The following LHPP variants were observed in gnomAD, a reference collection of about 807,000 sequenced individuals.
The protein encoded by LHPP is phospholysine phosphohistidine inorganic pyrophosphate phosphatase.
A neutral mutation model predicts 30.3 loss-of-function variants in LHPP; 24 were observed. The ratio of observed to expected loss-of-function variants is 0.79; its 90% CI spans 0.57 to 1.11. LHPP has a LOEUF of 1.11. Ranked by LOEUF, LHPP falls within the 50% of genes most tolerant of loss-of-function variation. The pLI, the probability that LHPP is intolerant of heterozygous loss-of-function variation, is 0.00. For synonymous variants in LHPP, 150 were observed against 157.1 expected (o/e 0.95, Z 0.34); for missense variants, 356 against 367.2 (o/e 0.97, Z 0.25).
Position 124,484,154 on chromosome 10 carries a change from G to C in LHPP, c.141G>C (p.Arg47=). 6.2e-7 allele frequency: 1 copy of C among 1,613,934 alleles called. No homozygotes were observed. The highest frequency in any genetic ancestry group is 8.5e-7 in the Non-Finnish European group (1 of 1,179,982). ...CCTGCCGCAGACTGAAGCGTTCCCG[G>C]CTGAAGGTGAGGTTCTGCACCAACG... ...VEAVARLKRS[R]LKVRFCTNES... The change falls in exon 2 of 7, where the codon CGG becomes CGC. Residue 47 remains arginine (R), a synonymous_variant. Transcript: ENST00000368842.
At position 124,523,574 on chromosome 10, in the gene LHPP, C is replaced by T. The variant is rs1343524124; in HGVS notation, c.716+6303C>T. The stretch of plus-strand genomic sequence containing the variant: ...CATGACAGATTTTTCTTCTGTGCTA[C>T]GTGGAGTGTGAGGGAAGGAAGTGAA... On this transcript the variant is annotated intron_variant, in intron 6 of 6. Coordinates refer to ENST00000368842, the MANE Select transcript of LHPP (RefSeq NM_022126.4). The surrounding 1 kb of genome is among the most constrained non-coding windows in gnomAD (Gnocchi z 4.2). Among the ~76,000 whole-genome samples the T allele has an allele frequency of 1.3e-5, 2 of 152,196 alleles. No homozygotes were observed. The highest frequency in any genetic ancestry group is 3.9e-4 in the East Asian group (2 of 5,194).
intron 1 of LHPP, among the ~76,000 whole-genome samples, chr10:124,481,373 CTTTT>C (rs34839158): frequency 3.5e-5 from 3 of 85,020 alleles, no homozygotes; most frequent in Admixed American, 1.6e-4. Context: ...TATCTGCCCC[CTTTT>C]TTTTTTTTTT....
rs747134281 is a variant in LHPP at position 124,512,128 on chromosome 10, C to T, written c.625-5052C>T. 3.3e-5 allele frequency among the ~76,000 whole-genome samples: 5 copies of T among 152,266 alleles called. 1 individual carries two copies. Among genetic ancestry groups the T allele is most frequent in the East Asian group, 3.9e-4 (2 of 5,170 alleles). On this transcript the variant is annotated intron_variant, in intron 5 of 6. Coordinates refer to ENST00000368842, the MANE Select transcript of LHPP (RefSeq NM_022126.4). ...TGTCTTTAGCACTTGTCGTGAGCTC[C>T]GTAAGTGCTGGGACTGCATGTGTCT... is the stretch of plus-strand genomic sequence containing the variant.
At position 124,461,849 on chromosome 10, in the gene LHPP, C is replaced by G. The variant is rs757171934; in HGVS notation, c.-14C>G. On this transcript the variant is annotated 5_prime_UTR_variant, in exon 1 of 7. Transcript: ENST00000368842. ...TCGGTTGGGACGCGGAGCTGAGGAG[C>G]AGGGCCGGGCGCCATGGCACCGTGG... The G allele has an allele frequency of 5.6e-6, 7 of 1,239,820 alleles. No individual in the cohort carries two copies. Among genetic ancestry groups the G allele is most frequent in the Non-Finnish European group, 7.1e-6 (7 of 988,424 alleles). 76.8% of individuals were successfully genotyped at this position (1,239,820 alleles called of 1,614,324 possible).
In LHPP at chr10:124,536,157, G is replaced by T. The variant is rs12259270; in HGVS notation, c.716+18886G>T. On this transcript the variant is annotated intron_variant, in intron 6 of 6. Coordinates refer to ENST00000368842, the MANE Select transcript of LHPP (RefSeq NM_022126.4). ...CCCCGGGCTTTTCCACCCCTGCCGCGTGTGCGTGCAGACTGGCCCTGCGGT... is the reference window on the plus strand; with the variant it reads ...CCCCGGGCTTTTCCACCCCTGCCGCTTGTGCGTGCAGACTGGCCCTGCGGT... Among the ~76,000 whole-genome samples the T allele has an allele frequency of 1.3e-3, 195 of 152,254 alleles. 1 individual carries two copies. Among genetic ancestry groups the T allele is most frequent in the African/African-American group, 4.6e-3 (190 of 41,564 alleles).
At chr10:124,579,831 A>C (rs1948721857) in intron 6 of LHPP, among the ~76,000 whole-genome samples, 1 of 152,152 alleles carries the variant, frequency 6.6e-6, no homozygotes, top group African/African-American at 2.4e-5. Flanking sequence ...CTGTTTTACT[A>C]ATTAGATATA....
At chr10:124,554,533 A>C (rs1948254842) in intron 6 of LHPP, among the ~76,000 whole-genome samples, 1 of 152,220 alleles carries the variant, frequency 6.6e-6, no homozygotes, top group African/African-American at 2.4e-5. Flanking sequence ...GCAGTTTAAT[A>C]ATGTGCATGC....
At chr10:124,597,897 A>G (rs1335848900) in intron 6 of LHPP, among the ~76,000 whole-genome samples, 1 of 152,216 alleles carries the variant, frequency 6.6e-6, no homozygotes, top group Non-Finnish European at 1.5e-5. Flanking sequence ...CACAGCTGCA[A>G]GAGGCTGCTC....
intron 6 of LHPP, among the ~76,000 whole-genome samples, chr10:124,527,680 C>T (rs377468248): frequency 3.8e-3 from 581 of 152,306 alleles, no homozygotes; most frequent in African/African-American, 0.012. Context: ...TCCAGCTGCC[C>T]GGAGACCCCA....
chr10:124,565,641 C>A (rs534190715), intron 6 of LHPP, among the ~76,000 whole-genome samples: 3 of 152,140 alleles, frequency 2.0e-5, no homozygotes, highest in Non-Finnish European at 4.4e-5. Flanking sequence ...TACCCCACGC[C>A]GTGCGCCCCA....
chr10:124,551,580 C>T (rs1948167743), intron 6 of LHPP, among the ~76,000 whole-genome samples: 2 of 152,290 alleles, frequency 1.3e-5, no homozygotes, highest in South Asian at 4.1e-4. Context: ...CCATCCTCAG[C>T]AGGGGTCCCA....
At chr10:124,602,515 T>C (rs557899691) in intron 6 of LHPP, among the ~76,000 whole-genome samples, 15 of 152,320 alleles carry the variant, frequency 9.8e-5, no homozygotes, top group African/African-American at 3.4e-4. Flanking sequence ...CTGTGGCTCC[T>C]GGGGGTGTGT....
chr10:124,528,367 AT>A (rs936622286), intron 6 of LHPP, among the ~76,000 whole-genome samples: 3 of 149,538 alleles, frequency 2.0e-5, no homozygotes, highest in Admixed American at 6.7e-5. Context: ...TTATTATTTT[AT>A]TTTTTTTTGA....
At chr10:124,494,860 C>T (rs1953657164) in intron 3 of LHPP, among the ~76,000 whole-genome samples, 1 of 152,150 alleles carries the variant, frequency 6.6e-6, no homozygotes, top group Non-Finnish European at 1.5e-5. Flanking sequence ...CAGGCTGGGG[C>T]TGGGAGTATC....
At chr10:124,484,641 C>T (rs193049552) in intron 2 of LHPP, among the ~76,000 whole-genome samples, 32 of 146,726 alleles carry the variant, frequency 2.2e-4, no homozygotes, top group African/African-American at 7.4e-4. Context: ...GTCAAGGTGG[C>T]GGAGTTCTAG....
chr10:124,601,710 C>T (rs974908475), intron 6 of LHPP, among the ~76,000 whole-genome samples: 2 of 152,242 alleles, frequency 1.3e-5, no homozygotes, highest in Non-Finnish European at 2.9e-5. Context: ...GCCCCGTTTC[C>T]TCCCTGTGGA....
chr10:124,599,814 C>T, intron 6 of LHPP, among the ~76,000 whole-genome samples: 1 of 152,228 alleles, frequency 6.6e-6, no homozygotes, highest in East Asian at 1.9e-4. Flanking sequence ...GTGGACAGAG[C>T]CATCCACTCT....
chr10:124,612,179 A>T (rs1267059479), intron 6 of LHPP, among the ~76,000 whole-genome samples: 1 of 152,156 alleles, frequency 6.6e-6, no homozygotes, highest in Non-Finnish European at 1.5e-5. Flanking sequence ...TAAGGCGGGC[A>T]AATCACTTGA....
intron 5 of LHPP, among the ~76,000 whole-genome samples, chr10:124,508,289 G>A (rs567900535): frequency 1.3e-5 from 2 of 152,296 alleles, no homozygotes; most frequent in Admixed American, 1.3e-4. Context: ...TTGTCAGTGT[G>A]GGGATGACCC....
Sources: allele counts gnomAD v4.1 joint callset (sites outside exome capture counted in the v4.1 genomes callset), GRCh38; gene constraint gnomAD v4.1.1; non-coding constraint Gnocchi (gnomAD v3.1); transcripts MANE v1.5; gene names NCBI Gene and HGNC (gene_info 2026-07-23, HGNC 2026-07-21).